The following MYO7A variants were observed in gnomAD, a reference collection of about 807,000 sequenced individuals.
MYO7A encodes myosin VIIA.
In MYO7A, 210 loss-of-function variants were observed where a neutral mutation model predicts 263.8. The ratio of observed to expected loss-of-function variants is 0.80; its 90% CI spans 0.71 to 0.89. The LOEUF is 0.89. MYO7A is among the 40% of genes least tolerant of loss of function. The pLI is 0.00. For missense variants in MYO7A, 2,820 were observed against 2,968.3 expected (o/e 0.95, Z 1.16); for synonymous variants, 1,239 against 1,197.3 (o/e 1.03, Z -0.72).
At chr11:77,184,981 G>GTT (rs1182850876) in intron 27 of MYO7A, 31 of 660,328 alleles carry the variant, frequency 4.7e-5, no homozygotes, top group Non-Finnish European at 7.1e-5. Context: ...TCACAATAAA[G>GTT]AGAGCTGCAG....
At chr11:77,173,962 G>A (rs1555078301) in intron 16 of MYO7A, among the ~76,000 whole-genome samples, 1 of 152,106 alleles carries the variant, frequency 6.6e-6, no homozygotes, top group South Asian at 2.1e-4. Flanking sequence ...CCAGTCCTCA[G>A]CATCTGTGGA....
intron 2 of MYO7A, among the ~76,000 whole-genome samples, chr11:77,135,082 C>T (rs1204198804): frequency 6.6e-6 from 1 of 152,184 alleles, no homozygotes; most frequent in Non-Finnish European, 1.5e-5. Flanking sequence ...CCATGGCTGG[C>T]CCCATTTAAC....
At chr11:77,201,297 G>T in intron 35 of MYO7A, 151 bp from the exon 36 acceptor site, 1 of 759,204 alleles carries the variant, frequency 1.3e-6, no homozygotes, top group Non-Finnish European at 2.1e-6. Flanking sequence ...AGCCCACTCT[G>T]GTGATGGTCT....
rs760015185 is a variant in MYO7A, at chr11:77,208,748, C to T, written c.5996C>T (p.Thr1999Ile). 6.3e-7 allele frequency: 1 copy of T among 1,585,738 alleles called. No individual in the cohort carries two copies. Among genetic ancestry groups the T allele is most frequent in the South Asian group, 1.2e-5 (1 of 86,426 alleles). The change falls in exon 44 of 49, where the codon ACC (threonine) becomes ATC (isoleucine). Residue 1999 changes from threonine to isoleucine, a missense_variant. Coordinates refer to ENST00000409709, the MANE Select transcript of MYO7A (RefSeq NM_000260.4). The stretch of plus-strand genomic sequence containing the variant: ...GTGTTCTTCATGAAGAAGCTGTGGA[C>T]CACCACGGTGCCAGGGAAGGATCCC... ...YQVFFMKKLW[T>I]TTVPGKDPMA...
At chr11:77,183,761 C>G (rs1339367646) in intron 26 of MYO7A, among the ~76,000 whole-genome samples, 1 of 152,100 alleles carries the variant, frequency 6.6e-6, no homozygotes, top group Non-Finnish European at 1.5e-5. Flanking sequence ...CTTTCTCTGC[C>G]TGGGGTCACC....
Position 77,191,188 on chromosome 11 carries a change from C to T in MYO7A, c.3924+318C>T, listed in dbSNP as rs563629072. On this transcript the variant is annotated intron_variant, in intron 30 of 48. Coordinates refer to ENST00000409709, the MANE Select transcript of MYO7A (RefSeq NM_000260.4). ...TACAAAAATTAGTGGAGCACGGTGG[C>T]GCACGCCTGTAGTCCCAGCTACTCG... The T allele has an allele frequency of 3.8e-5, 8 of 208,596 alleles. No individual in the cohort carries two copies. In the South Asian group the frequency reaches 4.8e-4, roughly 12 times the overall value. 12.9% of individuals were successfully genotyped at this position (208,596 alleles called of 1,614,324 possible).
chr11:77,208,577 G>A (rs1957623842), intron 43 of MYO7A, 60 bp downstream of exon 43: 1 of 1,556,996 alleles, frequency 6.4e-7, no homozygotes, highest in East Asian at 2.3e-5. Flanking sequence ...TGGGCTCGGG[G>A]CTGTGCCGTG....
At chr11:77,207,843 T>G (rs1179061599) in intron 42 of MYO7A, among the ~76,000 whole-genome samples, 4 of 152,190 alleles carry the variant, frequency 2.6e-5, no homozygotes, top group Non-Finnish European at 5.9e-5. Flanking sequence ...GAGCTCCAGG[T>G]GGGTCTGGCT....
At position 77,201,627 on chromosome 11, in the gene MYO7A, C is replaced by T. The variant is rs921687836; in HGVS notation, c.5032C>T (p.Arg1678Trp). ...CATGCCCACTGTCACCATGCCACCG[C>T]GGGAGATTGTGGTATGTGGCCTGGG... ...YVMPTVTMPP[R>W]EIVALVTMTP... The change falls in exon 36 of 49, where the codon CGG becomes TGG. Residue 1678 changes from arginine (R) to tryptophan (W), a missense_variant. By Grantham distance (101) the Arg-to-Trp change is moderately radical. Coordinates refer to ENST00000409709, the MANE Select transcript of MYO7A (RefSeq NM_000260.4). The T allele has an allele frequency of 1.2e-5, 20 of 1,613,174 alleles. No homozygotes were observed. Among genetic ancestry groups the T allele is most frequent in the African/African-American group, 2.7e-5 (2 of 74,896 alleles).
chr11:77,213,038 G>T lies in MYO7A; in HGVS notation c.6438+3G>T, dbSNP rs758382885. 1 of 1,569,144 alleles carries T rather than the reference G, an allele frequency of 6.4e-7. No homozygotes were observed. On this transcript the variant is annotated splice_donor_region_variant and intron_variant, in intron 47 of 48. Coordinates refer to ENST00000409709, the MANE Select transcript of MYO7A (RefSeq NM_000260.4). ...GCCTCATCGATCCCAAAACGAAGGT[G>T]AGCAGGGATAAGGCAGCAAGTGGGG...
intron 40 of MYO7A, 73 bp downstream of exon 40, chr11:77,205,690 CCCTTGGGGATGAGGA>C: frequency 1.3e-6 from 2 of 1,587,236 alleles, no homozygotes; most frequent in East Asian, 2.2e-5. Flanking sequence ...TGGGATGAGC[CCCTTGGGGATGAGGA>C]CCACATAGCA....
chr11:77,132,297 T>G (rs1391155285), intron 2 of MYO7A, among the ~76,000 whole-genome samples: 1 of 151,874 alleles, frequency 6.6e-6, no homozygotes, highest in Non-Finnish European at 1.5e-5. Context: ...GCCCTGGACA[T>G]GAGGGACAGC....
chr11:77,202,397 T>C lies in MYO7A; in HGVS notation c.5141T>C (p.Leu1714Pro), dbSNP rs1957126286. Residue 1714 changes from leucine (L) to proline (P), a missense_variant, in exon 37 of 49, where the codon CTG becomes CCG. Transcript: ENST00000409709. The part of the protein sequence containing the change: ...EPEVRAKPYT[L>P]EEFSYDYFRP... ...GAGGTGCGTGCCAAGCCCTACACGC[T>C]GGAGGAGTTTTCCTATGACTACTTC... 6.4e-7 allele frequency: 1 copy of C among 1,553,886 alleles called. No individual in the cohort carries two copies. The highest frequency in any genetic ancestry group is 8.7e-7 in the Non-Finnish European group (1 of 1,148,416).
chr11:77,137,268 G>C (rs921639240), intron 2 of MYO7A, among the ~76,000 whole-genome samples: 10 of 152,170 alleles, frequency 6.6e-5, no homozygotes, highest in Admixed American at 2.0e-4. Flanking sequence ...ACAGGGAGTG[G>C]GGTAGAACTG....
Position 77,157,163 on chromosome 11 carries a change from G to A in MYO7A, c.736-116G>A, listed in dbSNP as rs113061337. 630 of 1,351,534 alleles carry A rather than the reference G, an allele frequency of 4.7e-4. 3 individuals carry two copies. Among genetic ancestry groups the A allele is most frequent in the African/African-American group, 2.8e-3 (196 of 68,806 alleles). The allele number at this position is 1,351,534 out of a possible 1,614,324, so 83.7% of individuals were successfully genotyped here. On this transcript the variant is annotated intron_variant, in intron 7 of 48. Transcript: ENST00000409709. ...TGGAAATCCCACCATGAAACCCACCGATGGGCTTCTCCACAAGCCATTTGT... is the reference window on the plus strand; with the variant it reads ...TGGAAATCCCACCATGAAACCCACCAATGGGCTTCTCCACAAGCCATTTGT...
In MYO7A at chr11:77,142,709, G is replaced by T; in HGVS notation, c.19G>T (p.Gly7Trp). 1.9e-6 allele frequency: 3 copies of T among 1,608,712 alleles called. No homozygotes were observed. The highest frequency in any genetic ancestry group is 1.1e-5 in the South Asian group (1 of 89,396). MVILQQ[G>W]DHVWMDLRLG... ...GGCTGAGACTCTCTCTCGCCCATAG[G>T]GGGACCATGTGTGGATGGACCTGAG... The change falls in exon 3 of 49, where the codon GGG (glycine) becomes TGG (tryptophan). Residue 7 changes from glycine (G) to tryptophan (W), a missense_variant and splice_region_variant. By Grantham distance (184) the Gly-to-Trp change is radical. Transcript: ENST00000409709.
chr11:77,178,847 G>A (rs1205081382), intron 19 of MYO7A, among the ~76,000 whole-genome samples, 198 bp from the exon 20 acceptor site: 1 of 152,212 alleles, frequency 6.6e-6, no homozygotes, highest in Non-Finnish European at 1.5e-5. Context: ...TGACAGGCCT[G>A]TGGGGCAGGC....
At position 77,182,734 on chromosome 11, in the gene MYO7A, A is replaced by C. The variant is rs941455295; in HGVS notation, c.3285+134A>C. The C allele has an allele frequency of 3.1e-5, 30 of 969,682 alleles. No individual in the cohort carries two copies. In the African/African-American group the frequency reaches 4.7e-4, roughly 15 times the overall value. The allele number at this position is 969,682 out of a possible 1,614,324, so 60.1% of individuals were successfully genotyped here. A position where few individuals can be genotyped will look rare whatever the true frequency, so the allele number is the denominator to read the frequency against. On this transcript the variant is annotated intron_variant, in intron 25 of 48. Transcript: ENST00000409709. ...TCTGCCTCACCGACCCCTGCCTGCC[A>C]CCCTCCTTTGTCTACTTGTGGGAAC...
At chr11:77,205,668 A>G in intron 40 of MYO7A, 51 bp downstream of exon 40, 1 of 1,606,304 alleles carries the variant, frequency 6.2e-7, no homozygotes, top group Non-Finnish European at 8.5e-7. Flanking sequence ...GCTCCTGGCC[A>G]CGCGGGGCTT....
Sources: allele counts gnomAD v4.1 joint callset (sites outside exome capture counted in the v4.1 genomes callset), GRCh38; gene constraint gnomAD v4.1.1; transcripts MANE v1.5; gene names NCBI Gene and HGNC (gene_info 2026-07-23, HGNC 2026-07-21).